Variants in TMEM67 observed in about 807,000 individuals in gnomAD.
TMEM67 encodes transmembrane protein 67.
Under a neutral mutation model 136.6 loss-of-function variants are expected in TMEM67, and 124 were observed. The ratio of observed to expected loss-of-function variants is 0.91; its 90% CI spans 0.78 to 1.05. TMEM67 has a LOEUF of 1.05. TMEM67 is among the 50% of genes least tolerant of loss of function. TMEM67 has a pLI of 0.00. For missense variants in TMEM67, 1,107 were observed against 1,178.4 expected (o/e 0.94, Z 0.89); for synonymous variants, 364 against 390.5 (o/e 0.93, Z 0.80).
intron 14 of TMEM67, among the ~76,000 whole-genome samples, chr8:93,790,090 A>G (rs1421613094): frequency 6.6e-6 from 1 of 152,084 alleles, no homozygotes; most frequent in Non-Finnish European, 1.5e-5. Context: ...AAGTCAAGTC[A>G]TGAAACTACA....
At chr8:93,789,052 T>C (rs1194486812) in intron 14 of TMEM67, among the ~76,000 whole-genome samples, 3 of 152,232 alleles carry the variant, frequency 2.0e-5, no homozygotes, top group African/African-American at 7.2e-5. Flanking sequence ...GGCTATTCTC[T>C]TCTTTCTCTA....
chr8:93,815,155 T>G, intron 26 of TMEM67, 150 bp from the exon 27 acceptor site: 1 of 499,584 alleles, frequency 2.0e-6, no homozygotes, highest in Non-Finnish European at 3.4e-6. Context: ...CTTAAAATGT[T>G]TGTTTATTTT....
Position 93,797,453 on chromosome 8 carries a change from G to C in TMEM67, c.2083G>C (p.Val695Leu), listed in dbSNP as rs981039979. ...TAATTCACTCTTTCAAGTACTTACTGTCCTCTTCTTTTTGGAGGTATAAAC... is the reference window on the plus strand; with the variant it reads ...TAATTCACTCTTTCAAGTACTTACTCTCCTCTTCTTTTTGGAGGTATAAAC... ...KINSLFQVLT[V>L]LFFLEVVGFK... The change falls in exon 20 of 28, where the codon GTC becomes CTC. Residue 695 changes from valine (V) to leucine (L), a missense_variant. Around this residue, in one of 3 missense-constraint regions of TMEM67, gnomAD observed 925 missense variants for 1,002.4 expected, o/e 0.92. Transcript: ENST00000453321. The C allele has an allele frequency of 4.3e-6, 7 of 1,613,732 alleles. No individual in the cohort carries two copies. The highest frequency in any genetic ancestry group is 5.9e-6 in the Non-Finnish European group (7 of 1,179,850).
At chr8:93,795,629 A>G (rs372308082) in intron 17 of TMEM67, 122 bp downstream of exon 17, 1 of 836,590 alleles carries the variant, frequency 1.2e-6, no homozygotes, top group Non-Finnish European at 2.0e-6. Flanking sequence ...AAAGTTCCCA[A>G]CTCCCCATTC....
intron 20 of TMEM67, among the ~76,000 whole-genome samples, chr8:93,798,159 A>G (rs539079243): frequency 6.6e-6 from 1 of 152,244 alleles, no homozygotes; most frequent in East Asian, 1.9e-4. Flanking sequence ...ATTCTATAAT[A>G]CTTTCTGTCT....
chr8:93,807,140 A>G (rs1403880543), intron 23 of TMEM67, among the ~76,000 whole-genome samples: 1 of 152,144 alleles, frequency 6.6e-6, no homozygotes, highest in Non-Finnish European at 1.5e-5. Context: ...ACTTAATAGC[A>G]TCAAGGACAC....
At position 93,765,485 on chromosome 8, in the gene TMEM67, A is replaced by G. The variant is rs774053559; in HGVS notation, c.576+10A>G. 1.2e-6 allele frequency: 2 copies of G among 1,610,662 alleles called. No homozygotes were observed. Among genetic ancestry groups the G allele is most frequent in the Admixed American group, 1.7e-5 (1 of 60,028 alleles). ...AGAACCTAACATTTTAGTAAGGCTA[A>G]CCAAATTGATAAAGTATATATATTT... On this transcript the variant is annotated intron_variant, in intron 5 of 27. Coordinates refer to ENST00000453321, the MANE Select transcript of TMEM67 (RefSeq NM_153704.6).
At chr8:93,772,903 A>G (rs1813388065) in intron 7 of TMEM67, among the ~76,000 whole-genome samples, 1 of 152,166 alleles carries the variant, frequency 6.6e-6, no homozygotes, top group Admixed American at 6.5e-5. Context: ...TCACTTAGTA[A>G]ATGTTTATTG....
chr8:93,815,110 T>C (rs967001381), intron 26 of TMEM67, among the ~76,000 whole-genome samples, 195 bp from the exon 27 acceptor site: 2 of 152,244 alleles, frequency 1.3e-5, no homozygotes, highest in Admixed American at 6.5e-5. Context: ...GAAGTTTTTA[T>C]GAGTTTTTAA....
At chr8:93,814,399 A>G (rs1476539412) in intron 26 of TMEM67, among the ~76,000 whole-genome samples, 1 of 149,128 alleles carries the variant, frequency 6.7e-6, no homozygotes, top group East Asian at 2.0e-4. Context: ...TCGGCCTCCC[A>G]AGTTTATGTA....
intron 19 of TMEM67, 22 bp from the exon 20 acceptor site, chr8:93,797,309 C>T (rs1212774444): frequency 6.2e-7 from 1 of 1,614,056 alleles, no homozygotes; most frequent in South Asian, 1.1e-5. Context: ...AACTCTTTTA[C>T]TCATTTTATT....
intron 6 of TMEM67, among the ~76,000 whole-genome samples, chr8:93,771,930 G>A (rs556925548): frequency 2.6e-5 from 4 of 152,216 alleles, no homozygotes; most frequent in South Asian, 4.1e-4. Context: ...TATCACTTAC[G>A]TGTGTGCCCA....
At chr8:93,805,580 CAAAAA>C (rs370408912) in intron 23 of TMEM67, among the ~76,000 whole-genome samples, 2 of 58,786 alleles carry the variant, frequency 3.4e-5, no homozygotes, top group Non-Finnish European at 3.9e-5. Context: ...GACTCCGTCT[CAAAAA>C]AAAAAAAAAA....
chr8:93,761,941 A>G (rs530597344), intron 3 of TMEM67: 3 of 152,222 alleles, frequency 2.0e-5, no homozygotes, highest in Non-Finnish European at 4.4e-5. Context: ...AATAGTGGGA[A>G]AGAGACTTAA....
At chr8:93,773,120 A>G (rs1813395860) in intron 7 of TMEM67, among the ~76,000 whole-genome samples, 1 of 152,196 alleles carries the variant, frequency 6.6e-6, no homozygotes, top group South Asian at 2.1e-4. Context: ...TGAGAGGGTT[A>G]TAGTTGAGCA....
intron 6 of TMEM67, among the ~76,000 whole-genome samples, chr8:93,770,772 T>C (rs1813294145): frequency 6.6e-6 from 1 of 152,072 alleles, no homozygotes; most frequent in African/African-American, 2.4e-5. Context: ...CCCAGCACTT[T>C]GGGAGGCTGA....
Position 93,809,884 on chromosome 8 carries a change from A to G in TMEM67, c.2761A>G (p.Asn921Asp). ...MEPMEKSIFYNDEGYSFSSVL... is the reference protein window; with the variant it reads ...MEPMEKSIFYDDEGYSFSSVL... ...ACCAATGGAAAAAAGCATCTTTTACAATGGTATCTTCTAAATCCCTTTGTA... is the reference window on the plus strand; with the variant it reads ...ACCAATGGAAAAAAGCATCTTTTACGATGGTATCTTCTAAATCCCTTTGTA... Residue 921 changes from asparagine to aspartate, a missense_variant, in exon 26 of 28, where the codon AAT (asparagine) becomes GAT (aspartate). Transcript: ENST00000453321. The G allele has an allele frequency of 6.3e-7, 1 of 1,584,638 alleles. No homozygotes were observed. The highest frequency in any genetic ancestry group is 8.7e-7 in the Non-Finnish European group (1 of 1,153,574).
At chr8:93,781,082 A>G (rs1813804107) in intron 9 of TMEM67, 100 bp downstream of exon 9, 1 of 794,000 alleles carries the variant, frequency 1.3e-6, no homozygotes, top group Non-Finnish European at 2.2e-6. Flanking sequence ...TGTTGGTACA[A>G]ACTCAGTTAC....
chr8:93,812,864 G>A (rs1442897851), intron 26 of TMEM67, among the ~76,000 whole-genome samples: 1 of 152,096 alleles, frequency 6.6e-6, no homozygotes, highest in African/African-American at 2.4e-5. Flanking sequence ...AGCCTCCCAG[G>A]TGCTGGGATT....
Sources: gnomAD v4.1 joint callset for allele counts (sites outside exome capture counted in the v4.1 genomes callset) on GRCh38, gnomAD v4.1.1 for gene constraint, gnomAD v4.1.1 regional missense constraint, MANE v1.5 for transcripts, NCBI Gene and HGNC (gene_info 2026-07-23, HGNC 2026-07-21) for gene names.